The following NCOA2 variants were observed in gnomAD, a reference collection of about 807,000 sequenced individuals.
The protein encoded by NCOA2 is class E basic helix-loop-helix protein 75.
NCOA2 carries 21 observed loss-of-function variants against 145.1 expected under a neutral mutation model. The ratio of observed to expected loss-of-function variants is 0.14; its 90% CI spans 0.10 to 0.21. The LOEUF (loss-of-function observed/expected upper bound fraction) is 0.21, where lower values mean the gene tolerates loss of function less well. Ranked by LOEUF, NCOA2 falls within the 10% of genes least tolerant of loss-of-function variation. The probability of loss-of-function intolerance (pLI) is 1.00; values close to 1 mark genes in which losing one functional copy is unlikely to be tolerated. For synonymous variants in NCOA2, 619 were observed against 637.5 expected (o/e 0.97, Z 0.44); for missense variants, 1,472 against 1,837.6 (o/e 0.80, Z 3.64).
chr8:70,254,152 CA>C (rs1306476250), intron 2 of NCOA2, among the ~76,000 whole-genome samples: 1 of 152,168 alleles, frequency 6.6e-6, no homozygotes, highest in African/African-American at 2.4e-5. Flanking sequence ...TGCTCAACAT[CA>C]CTAATCATTA....
intron 4 of NCOA2, among the ~76,000 whole-genome samples, chr8:70,178,087 C>G (rs1445057277): frequency 1.3e-5 from 2 of 152,078 alleles, no homozygotes; most frequent in African/African-American, 4.8e-5. Context: ...GATACAAAAA[C>G]CTTACACTTA....
chr8:70,362,923 C>CA (rs1360586079), intron 1 of NCOA2, among the ~76,000 whole-genome samples: 1 of 151,290 alleles, frequency 6.6e-6, no homozygotes, highest in Non-Finnish European at 1.5e-5. Context: ...ACAAAAAACA[C>CA]AAAAATTAGT....
chr8:70,415,129 C>T, the NCOA2 span, among the ~76,000 whole-genome samples: 1 of 151,924 alleles, frequency 6.6e-6, no homozygotes, highest in Admixed American at 6.6e-5. Context: ...ATGGCAAGGC[C>T]CCCATCTCTA....
intron 12 of NCOA2, among the ~76,000 whole-genome samples, chr8:70,146,528 G>A (rs1811082277): frequency 1.3e-5 from 2 of 152,192 alleles, no homozygotes; most frequent in African/African-American, 4.8e-5. Flanking sequence ...AATTAGGGCT[G>A]AGAATGGAAA....
At chr8:70,378,993 C>A (rs1811935268) in intron 1 of NCOA2, among the ~76,000 whole-genome samples, 1 of 152,136 alleles carries the variant, frequency 6.6e-6, no homozygotes, top group African/African-American at 2.4e-5. Flanking sequence ...GGCTCCTCAG[C>A]CATACCCTTA....
chr8:70,394,304 C>A (rs536312187), intron 1 of NCOA2, among the ~76,000 whole-genome samples: 1 of 152,106 alleles, frequency 6.6e-6, no homozygotes, highest in Non-Finnish European at 1.5e-5. Flanking sequence ...TACAGGTGCC[C>A]GCCACCATGC....
At chr8:70,337,376 C>T (rs750718875) in intron 1 of NCOA2, among the ~76,000 whole-genome samples, 7 of 152,046 alleles carry the variant, frequency 4.6e-5, no homozygotes, top group Admixed American at 6.6e-5. Flanking sequence ...AGAATTTGGA[C>T]GCAACTTTCC....
intron 13 of NCOA2, among the ~76,000 whole-genome samples, chr8:70,143,834 A>G (rs1003134688): frequency 6.6e-6 from 1 of 152,240 alleles, no homozygotes; most frequent in Admixed American, 6.5e-5. Flanking sequence ...CTAGTGACTC[A>G]TTGAGACAGA....
the NCOA2 span, among the ~76,000 whole-genome samples, chr8:70,448,555 C>T: frequency 1.4e-4 from 21 of 152,040 alleles, no homozygotes; most frequent in Middle Eastern, 3.4e-3. Flanking sequence ...ATTGGCATCA[C>T]GACTAAGAAA....
chr8:70,286,585 TAATTA>T (rs536404605), intron 2 of NCOA2, among the ~76,000 whole-genome samples: 5 of 152,320 alleles, frequency 3.3e-5, no homozygotes, highest in African/African-American at 7.2e-5. Flanking sequence ...TTCACATTAT[TAATTA>T]AATTATCTTT....
rs555728318 is a variant in NCOA2, at chr8:70,376,104, C to T, written c.-77+27596G>A. On this transcript the variant is annotated intron_variant, in intron 1 of 22. Transcript: ENST00000452400. ...CTGAGAGTCGTTATTCCGTAATACACCAGTAGTAAAGAAGACATACATAAA... is the reference window on the plus strand; with the variant it reads ...CTGAGAGTCGTTATTCCGTAATACATCAGTAGTAAAGAAGACATACATAAA... Among the ~76,000 whole-genome samples the T allele has an allele frequency of 8.5e-5, 13 of 152,190 alleles. No individual in the cohort carries two copies. The South Asian group carries it at 2.7e-3, about 32-fold the overall frequency.
At chr8:70,441,120 AAGAG>A in the NCOA2 span, among the ~76,000 whole-genome samples, 2 of 50,426 alleles carry the variant, frequency 4.0e-5, no homozygotes, top group African/African-American at 9.8e-5. Context: ...GAAAGAAAGA[AAGAG>A]AAAGAAAGAA....
intron 2 of NCOA2, among the ~76,000 whole-genome samples, chr8:70,290,440 G>A (rs1056547218): frequency 6.6e-6 from 1 of 151,912 alleles, no homozygotes; most frequent in Non-Finnish European, 1.5e-5. Context: ...CGCCTGCCTC[G>A]GCCTCTCAAA....
intron 1 of NCOA2, among the ~76,000 whole-genome samples, chr8:70,354,707 T>C (rs1809528727): frequency 6.6e-6 from 1 of 152,212 alleles, no homozygotes; most frequent in Admixed American, 6.5e-5. Flanking sequence ...GATGAACTAA[T>C]ATTAAGAGTT....
intron 1 of NCOA2, chr8:70,402,075 G>C (rs1479376617): frequency 6.6e-6 from 1 of 152,370 alleles, no homozygotes; most frequent in Non-Finnish European, 1.5e-5. Context: ...GCGTCTCCAT[G>C]ACTCCCCCGC....
chr8:70,219,381 C>T (rs1819933641), intron 2 of NCOA2, among the ~76,000 whole-genome samples: 1 of 152,152 alleles, frequency 6.6e-6, no homozygotes, highest in Non-Finnish European at 1.5e-5. Context: ...AACATAATTG[C>T]TTCCTTATAT....
rs138406184 is a variant in NCOA2, at chr8:70,263,917, TA to T, written c.-20+32826del. On this transcript the variant is annotated intron_variant, in intron 2 of 22. Transcript: ENST00000452400. ...CCTCATGTTATTAAAAATTAAGTCT[TA>T]AAAAAAACAGTGGGCCAGGCGTGGT... 5.9e-3 allele frequency among the ~76,000 whole-genome samples: 893 copies of T among 151,836 alleles called. 5 individuals are homozygous for T. Among genetic ancestry groups the T allele is most frequent in the African/African-American group, 0.02 (833 of 41,394 alleles).
chr8:70,161,771 G>A (rs868796163), intron 9 of NCOA2, among the ~76,000 whole-genome samples: 32 of 152,274 alleles, frequency 2.1e-4, no homozygotes, highest in Middle Eastern at 3.4e-3. Context: ...AGTCCCTCAC[G>A]TGCAGCATGG....
intron 4 of NCOA2, among the ~76,000 whole-genome samples, chr8:70,188,904 G>T (rs1816366435): frequency 6.6e-6 from 1 of 152,092 alleles, no homozygotes; most frequent in South Asian, 2.1e-4. Flanking sequence ...TTAAATCAAA[G>T]TCAGTATTAA....
Sources: gnomAD v4.1 joint callset for allele counts (sites outside exome capture counted in the v4.1 genomes callset) on GRCh38, gnomAD v4.1.1 for gene constraint, MANE v1.5 for transcripts, NCBI Gene and HGNC (gene_info 2026-07-23, HGNC 2026-07-21) for gene names.